Variants in PSD3 observed in about 807,000 individuals in gnomAD.
PSD3 encodes pleckstrin and Sec7 domain containing 3.
In PSD3, 49 loss-of-function variants were observed where a neutral mutation model predicts 105.5. The observed-to-expected ratio is 0.46, with a 90% confidence interval of 0.37 to 0.59. The LOEUF (loss-of-function observed/expected upper bound fraction) is 0.59, where lower values mean the gene tolerates loss of function less well. PSD3 is among the 20% of genes least tolerant of loss of function. The pLI is 0.00. For missense variants in PSD3, 1,561 were observed against 1,263.8 expected (o/e 1.24, Z -3.57); for synonymous variants, 557 against 457.8 (o/e 1.22, Z -2.77).
chr8:18,683,883 G>T, intron 9 of PSD3: 2 of 765,292 alleles, frequency 2.6e-6, no homozygotes, highest in South Asian at 1.3e-5. Flanking sequence ...GGAACCTGAG[G>T]TCCTCACCCG....
At chr8:18,605,573 T>A (rs1270004924) in intron 11 of PSD3, among the ~76,000 whole-genome samples, 1 of 152,168 alleles carries the variant, frequency 6.6e-6, no homozygotes, top group Non-Finnish European at 1.5e-5. Flanking sequence ...TTGGGGAACG[T>A]TGGGAAGGCA....
intron 6 of PSD3, chr8:18,802,497 A>G (rs2638647): frequency 0.88 from 176,373 of 199,852 alleles, 78,140 homozygotes; most frequent in Middle Eastern, 0.92. Flanking sequence ...AACAAACTAT[A>G]TATTGACAAA....
At chr8:18,744,777 C>G (rs55804504) in intron 9 of PSD3, among the ~76,000 whole-genome samples, 10,198 of 152,202 alleles carry the variant, frequency 0.067, 533 homozygotes, top group African/African-American at 0.15. Flanking sequence ...CAAATTTCAC[C>G]AGTTTCCCCA....
intron 9 of PSD3, among the ~76,000 whole-genome samples, chr8:18,751,117 G>A (rs1334062578): frequency 6.6e-6 from 1 of 152,134 alleles, no homozygotes; most frequent in Admixed American, 6.5e-5. Flanking sequence ...GGGAGGCTCC[G>A]GCCGCACAGG....
In PSD3 at chr8:18,871,767, T is replaced by C; in HGVS notation, c.1097A>G (p.Lys366Arg). ...AGTGCCAGGCCTCTCTGAAGGAGCT[T>C]TCCAGGATTCATCCCAAACATTCTC... Reference protein sequence around the residue: ...LTENVWDESWKAPSERPGTSS... With the variant: ...LTENVWDESWRAPSERPGTSS... Residue 366 changes from lysine to arginine, a missense_variant, in exon 3 of 16, where the codon AAA becomes AGA. By Grantham distance (26) the Lys-to-Arg change is conservative (BLOSUM62 2). Transcript: ENST00000327040. The C allele has an allele frequency of 6.2e-7, 1 of 1,614,168 alleles. No individual in the cohort carries two copies. Among genetic ancestry groups the C allele is most frequent in the Non-Finnish European group, 8.5e-7 (1 of 1,180,026 alleles).
At chr8:18,635,035 A>G (rs1220310138) in intron 10 of PSD3, among the ~76,000 whole-genome samples, 2 of 152,194 alleles carry the variant, frequency 1.3e-5, no homozygotes, top group Admixed American at 6.6e-5. Flanking sequence ...TTCTGTAAGT[A>G]TGGACACATG....
At chr8:18,796,414 G>C (rs1810182390) in intron 8 of PSD3, among the ~76,000 whole-genome samples, 2 of 152,150 alleles carry the variant, frequency 1.3e-5, no homozygotes, top group Admixed American at 1.3e-4. Flanking sequence ...AAATGGCAAA[G>C]AGTATGGAAA....
At chr8:18,999,187 C>A (rs1826239198) in intron 1 of PSD3, among the ~76,000 whole-genome samples, 1 of 151,898 alleles carries the variant, frequency 6.6e-6, no homozygotes, top group Admixed American at 6.6e-5. Context: ...ATTCCTTAGA[C>A]CATAACAGGT....
At chr8:18,946,478 G>C (rs892825470) in intron 1 of PSD3, among the ~76,000 whole-genome samples, 4 of 152,188 alleles carry the variant, frequency 2.6e-5, no homozygotes, top group Non-Finnish European at 5.9e-5. Context: ...CTACTCAGGA[G>C]CGTGAGGGAG....
intron 2 of PSD3, among the ~76,000 whole-genome samples, chr8:18,914,351 C>T (rs1468955999): frequency 6.6e-6 from 1 of 152,076 alleles, no homozygotes; most frequent in Non-Finnish European, 1.5e-5. Context: ...CAGCACAGTA[C>T]TAGAACTCCT....
At chr8:18,840,490 C>T (rs192603654) in intron 4 of PSD3, among the ~76,000 whole-genome samples, 65 of 151,906 alleles carry the variant, frequency 4.3e-4, no homozygotes, top group African/African-American at 1.2e-3. Flanking sequence ...CAGACAAAAA[C>T]GATAGTTAGT....
At position 18,771,174 on chromosome 8, in the gene PSD3, G is replaced by C. The variant is rs1365716202; in HGVS notation, c.2083-5636C>G. Among the ~76,000 whole-genome samples the C allele has an allele frequency of 2.0e-5, 3 of 152,322 alleles. No homozygotes were observed. The East Asian group carries it at 5.8e-4, about 29-fold the overall frequency. ...TATGGGCACAGGAATGGGGGGCAGA[G>C]CAGGCCATGGGTGGTTTTGGAAAAG... On this transcript the variant is annotated intron_variant, in intron 8 of 15. Transcript: ENST00000327040.
chr8:18,979,170 TG>T (rs140513415), intron 1 of PSD3, among the ~76,000 whole-genome samples: 1 of 151,318 alleles, frequency 6.6e-6, no homozygotes, highest in African/African-American at 2.4e-5. Context: ...ACCAAGACAC[TG>T]GGGGGCGGCC....
chr8:18,718,547 T>C (rs1802744719), intron 9 of PSD3, among the ~76,000 whole-genome samples: 2 of 152,220 alleles, frequency 1.3e-5, no homozygotes, highest in African/African-American at 2.4e-5. Flanking sequence ...TTTAAAACTT[T>C]ACAGATTTGC....
At chr8:18,640,348 G>A (rs958131989) in intron 10 of PSD3, among the ~76,000 whole-genome samples, 29 of 152,290 alleles carry the variant, frequency 1.9e-4, no homozygotes, top group South Asian at 6.2e-4. Flanking sequence ...ACATTGTTAA[G>A]TGATACGGTT....
intron 1 of PSD3, among the ~76,000 whole-genome samples, chr8:19,062,938 GA>G (rs1310287285): frequency 1.3e-5 from 2 of 152,080 alleles, no homozygotes; most frequent in African/African-American, 4.8e-5. Flanking sequence ...AACTAGTCAA[GA>G]AAAAATGTCT....
intron 12 of PSD3, among the ~76,000 whole-genome samples, chr8:18,592,028 GAACA>G (rs1803650779): frequency 6.6e-6 from 1 of 152,004 alleles, no homozygotes; most frequent in South Asian, 2.1e-4. Flanking sequence ...ACAAGAGACA[GAACA>G]AACAGGAAAA....
intron 11 of PSD3, among the ~76,000 whole-genome samples, chr8:18,630,019 A>T (rs1806780194): frequency 6.6e-6 from 1 of 151,874 alleles, no homozygotes; most frequent in Non-Finnish European, 1.5e-5. Flanking sequence ...CCCCATGGAA[A>T]AACAGAGGTT....
chr8:18,539,433 A>T (rs148056638), intron 15 of PSD3, among the ~76,000 whole-genome samples: 66 of 152,290 alleles, frequency 4.3e-4, no homozygotes, highest in African/African-American at 1.5e-3. Context: ...TTCCTTTCAG[A>T]GAAGATGTGA....
Sources: allele counts gnomAD v4.1 joint callset (sites outside exome capture counted in the v4.1 genomes callset), GRCh38; gene constraint gnomAD v4.1.1; transcripts MANE v1.5; gene names NCBI Gene and HGNC (gene_info 2026-07-23, HGNC 2026-07-21).